MFSD8: variants seen among roughly 807,000 people sequenced by gnomAD.
MFSD8 encodes the protein major facilitator superfamily domain-containing protein 8.
In MFSD8, 55 loss-of-function variants were observed where a neutral mutation model predicts 66.4. That is an observed-to-expected ratio of 0.83 (90% CI 0.67 to 1.04). The LOEUF (loss-of-function observed/expected upper bound fraction) is 1.04, where lower values mean the gene tolerates loss of function less well. Among genes scored for constraint, MFSD8 ranks in the 50% least tolerant of loss-of-function variants. MFSD8 has a pLI of 0.00. For synonymous variants in MFSD8, 202 were observed against 212.8 expected, an observed-to-expected ratio of 0.95 and a Z score of 0.44; for missense variants, 550 against 627.6, an observed-to-expected ratio of 0.88 and a Z score of 1.32.
intron 1 of MFSD8, among the ~76,000 whole-genome samples, chr4:127,963,617 T>C (rs1039554260): frequency 6.6e-6 from 1 of 152,112 alleles, no homozygotes; most frequent in Non-Finnish European, 1.5e-5. Context: ...CTGGAGTTGT[T>C]CGTTCCTCCC....
chr4:127,956,475 G>T (rs1186063458), intron 2 of MFSD8, among the ~76,000 whole-genome samples: 1 of 151,266 alleles, frequency 6.6e-6, no homozygotes, highest in Non-Finnish European at 1.5e-5. Flanking sequence ...ACTCCAGCCT[G>T]GGCGACAGTG....
chr4:127,959,500 A>G (rs1159710798), intron 1 of MFSD8, among the ~76,000 whole-genome samples: 1 of 152,190 alleles, frequency 6.6e-6, no homozygotes, highest in Non-Finnish European at 1.5e-5. Flanking sequence ...TTGTATTTCT[A>G]GTTGTAACAG....
At position 127,957,597 on chromosome 4, in the gene MFSD8, G is replaced by A; in HGVS notation, c.63-5C>T. ...GTCTCTAAAATGTCCCATTCTCTAGGTGTAAAGAAGAAAAAAGTAGTATAA... is the reference window on the plus strand; with the variant it reads ...GTCTCTAAAATGTCCCATTCTCTAGATGTAAAGAAGAAAAAAGTAGTATAA... On this transcript the variant is annotated splice_polypyrimidine_tract_variant and splice_region_variant and intron_variant, in intron 1 of 11. Transcript: ENST00000641686. The A allele has an allele frequency of 6.3e-7, 1 of 1,589,582 alleles. No individual in the cohort carries two copies. The highest frequency in any genetic ancestry group is 8.6e-7 in the Non-Finnish European group (1 of 1,159,816).
At chr4:127,962,542 C>G (rs1743970158) in intron 1 of MFSD8, among the ~76,000 whole-genome samples, 1 of 151,356 alleles carries the variant, frequency 6.6e-6, no homozygotes, top group Admixed American at 6.6e-5. Context: ...GCTCTGAGGA[C>G]ATCACTCTAT....
intron 2 of MFSD8, among the ~76,000 whole-genome samples, chr4:127,956,458 C>T (rs2148968395): frequency 1.3e-5 from 2 of 151,296 alleles, no homozygotes; most frequent in East Asian, 3.9e-4. Context: ...CGAGATCGCG[C>T]CACTGCACTC....
chr4:127,933,041 A>T lies in MFSD8; in HGVS notation c.807T>A (p.Val269=), dbSNP rs1199001687. 5.0e-6 allele frequency: 8 copies of T among 1,613,764 alleles called. No individual in the cohort carries two copies. The highest frequency in any genetic ancestry group is 6.8e-6 in the Non-Finnish European group (8 of 1,179,882). ...CAAAAAACAGAACATTGATGGCCACAACAGCAACCTGGTCAATATTTCCTT... is the reference window on the plus strand; with the variant it reads ...CAAAAAACAGAACATTGATGGCCACTACAGCAACCTGGTCAATATTTCCTT... ...VPQGNIDQVA[V]VAINVLFFVT... The change falls in exon 8 of 12, where the codon GTT becomes GTA. Residue 269 remains valine, a synonymous_variant. Coordinates refer to ENST00000641686, the MANE Select transcript of MFSD8 (RefSeq NM_001371596.2).
At position 127,930,799 on chromosome 4, in the gene MFSD8, T is replaced by C; in HGVS notation, c.882A>G (p.Thr294=). 26 of 1,611,346 alleles carry C rather than the reference T, an allele frequency of 1.6e-5. No homozygotes were observed. Among genetic ancestry groups the C allele is most frequent in the Non-Finnish European group, 2.2e-5 (26 of 1,178,962 alleles). The part of the protein sequence containing the change: ...ALFETIITPL[T]MDMYAWTQEQ... Reference sequence around the variant, plus strand: ...CTTGAGTCCAGGCATACATATCCATTGTTAATGGAGTAATGATGCTAAGAA... The same window carrying C: ...CTTGAGTCCAGGCATACATATCCATCGTTAATGGAGTAATGATGCTAAGAA... The change falls in exon 9 of 12, where the codon ACA becomes ACG. Residue 294 remains threonine (T), a synonymous_variant. Transcript: ENST00000641686.
At position 127,938,600 on chromosome 4, in the gene MFSD8, T is replaced by TA. The variant is rs1560744922; in HGVS notation, c.754+182dup. On this transcript the variant is annotated intron_variant, in intron 7 of 11. Coordinates refer to ENST00000641686, the MANE Select transcript of MFSD8 (RefSeq NM_001371596.2). ...TCTGTCTCAAAAAAAAAAAAATAAA[T>TA]AAATAAATAAATAAATAAATAAATA... Among the ~76,000 whole-genome samples the TA allele has an allele frequency of 1.6e-4, 19 of 121,176 alleles. No homozygotes were observed. The East Asian group carries it at 5.1e-3, about 32-fold the overall frequency. 79.5% of individuals were successfully genotyped at this position (121,176 alleles called of 152,430 possible).
chr4:127,943,133 C>T (rs1441347108), intron 4 of MFSD8, among the ~76,000 whole-genome samples: 3 of 151,824 alleles, frequency 2.0e-5, no homozygotes. Flanking sequence ...AGGAGAATTG[C>T]TTGAACCCAG....
chr4:127,959,803 GA>G (rs1279705430), intron 1 of MFSD8, among the ~76,000 whole-genome samples: 12 of 152,018 alleles, frequency 7.9e-5, no homozygotes, highest in Non-Finnish European at 1.6e-4. Flanking sequence ...TAACTTCAAT[GA>G]AAAAAATTAT....
chr4:127,951,730 A>ATT (rs535484160), intron 2 of MFSD8, among the ~76,000 whole-genome samples: 12 of 136,194 alleles, frequency 8.8e-5, no homozygotes, highest in East Asian at 2.1e-4. Context: ...TTCACTTAGT[A>ATT]TTTTTTTTTT....
intron 9 of MFSD8, among the ~76,000 whole-genome samples, chr4:127,927,801 C>T (rs958509840): frequency 6.6e-6 from 1 of 152,100 alleles, no homozygotes; most frequent in African/African-American, 2.4e-5. Flanking sequence ...ATCCTCTCGC[C>T]TCAACCTCCC....
intron 7 of MFSD8, among the ~76,000 whole-genome samples, chr4:127,935,006 T>C (rs1049886417): frequency 6.6e-6 from 1 of 152,224 alleles, no homozygotes; most frequent in Middle Eastern, 3.2e-3. Context: ...TAATAATGCC[T>C]GCTTTTCTAT....
chr4:127,920,921 G>T, intron 11 of MFSD8, 85 bp from the exon 12 acceptor site: 1 of 1,271,342 alleles, frequency 7.9e-7, no homozygotes, highest in Non-Finnish European at 1.1e-6. Context: ...CCAAACTACA[G>T]CAAACTTACA....
intron 7 of MFSD8, among the ~76,000 whole-genome samples, chr4:127,938,442 G>A (rs1326747232): frequency 6.6e-6 from 1 of 151,906 alleles, no homozygotes; most frequent in Non-Finnish European, 1.5e-5. Flanking sequence ...AATTAGCCAG[G>A]CGTGGCGGCA....
At chr4:127,939,040 G>A in intron 6 of MFSD8, 1 of 383,392 alleles carries the variant, frequency 2.6e-6, no homozygotes. Flanking sequence ...TCATAAACAG[G>A]TAAAATGAAA....
chr4:127,921,874 T>C lies in MFSD8; in HGVS notation c.1088A>G (p.Lys363Arg). The C allele has an allele frequency of 1.2e-6, 2 of 1,614,138 alleles. No individual in the cohort carries two copies. Among genetic ancestry groups the C allele is most frequent in the South Asian group, 1.1e-5 (1 of 91,086 alleles). Residue 363 changes from lysine to arginine, a missense_variant, in exon 10 of 12, where the codon AAA (lysine) becomes AGA (arginine). Transcript: ENST00000641686. ...ILLPWGNQFPKIQWEDLHNNS... is the reference protein window; with the variant it reads ...ILLPWGNQFPRIQWEDLHNNS... ...TATGGCTATACCTTCCCACTGTATT[T>C]TGGGAAATTGATTTCCCCAAGGTAA...
chr4:127,919,861 A>G lies in MFSD8; in HGVS notation c.*769T>C, dbSNP rs1382553024. On this transcript the variant is annotated 3_prime_UTR_variant, in exon 12 of 12. Transcript: ENST00000641686. Reference sequence around the variant, plus strand: ...TATATATATATATAAAATAACACATATCTGGATTATGTTTCTAATGTGAAT... The same window carrying G: ...TATATATATATATAAAATAACACATGTCTGGATTATGTTTCTAATGTGAAT... 3 of 152,212 alleles carry G rather than the reference A, an allele frequency of 2.0e-5. No individual in the cohort carries two copies. The highest frequency in any genetic ancestry group is 4.4e-5 in the Non-Finnish European group (3 of 68,044). 9.4% of individuals were successfully genotyped at this position (152,212 alleles called of 1,614,324 possible). A position where few individuals can be genotyped will look rare whatever the true frequency, so the allele number is the denominator to read the frequency against.
chr4:127,933,200 T>A (rs906685053), intron 7 of MFSD8, 107 bp from the exon 8 acceptor site: 13 of 914,514 alleles, frequency 1.4e-5, no homozygotes, highest in East Asian at 2.7e-5. Context: ...AATAAACATT[T>A]AAAAAAATTT....
Sources: gnomAD v4.1 joint callset for allele counts (sites outside exome capture counted in the v4.1 genomes callset) on GRCh38, gnomAD v4.1.1 for gene constraint, MANE v1.5 for transcripts, NCBI Gene and HGNC (gene_info 2026-07-23, HGNC 2026-07-21) for gene names.